Variants in MTFR1 observed in about 807,000 individuals in gnomAD.
MTFR1 encodes chondrocyte protein with a poly-proline region.
A neutral mutation model predicts 38.8 loss-of-function variants in MTFR1; 28 were observed. The ratio of observed to expected loss-of-function variants is 0.72; its 90% CI spans 0.53 to 0.99. MTFR1 has a LOEUF of 0.99. Ranked by LOEUF, MTFR1 falls within the 50% of genes least tolerant of loss-of-function variation. MTFR1 has a pLI of 0.00. For synonymous variants in MTFR1, 145 were observed against 137.0 expected, an observed-to-expected ratio of 1.06 and a Z score of -0.41; for missense variants, 358 against 395.5, an observed-to-expected ratio of 0.91 and a Z score of 0.81.
At chr8:65,755,780 T>C (rs1585878017) in intron 3 of MTFR1, among the ~76,000 whole-genome samples, 1 of 152,338 alleles carries the variant, frequency 6.6e-6, no homozygotes, top group Admixed American at 6.5e-5. Flanking sequence ...AAGAACTCCC[T>C]TTAGCATTTC....
At chr8:65,660,845 T>C (rs1282356587) in intron 1 of MTFR1, among the ~76,000 whole-genome samples, 1 of 152,122 alleles carries the variant, frequency 6.6e-6, no homozygotes, top group East Asian at 1.9e-4. Context: ...GGGGAAGGAA[T>C]AAATAAACTG....
chr8:65,686,981 G>A (rs1323896226), intron 3 of MTFR1, among the ~76,000 whole-genome samples: 1 of 151,616 alleles, frequency 6.6e-6, no homozygotes, highest in African/African-American at 2.4e-5. Flanking sequence ...ATCTCAGGCA[G>A]TTGATCTCTT....
At chr8:65,769,762 A>G (rs1210772972) in intron 3 of MTFR1, among the ~76,000 whole-genome samples, 1 of 152,094 alleles carries the variant, frequency 6.6e-6, no homozygotes, top group Non-Finnish European at 1.5e-5. Context: ...CGGGCATGGT[A>G]GTGATTGCCC....
Position 65,683,508 on chromosome 8 carries a change from T to A in MTFR1, c.165+1057T>A, listed in dbSNP as rs533480986. On this transcript the variant is annotated intron_variant, in intron 3 of 7. Transcript: ENST00000262146. ...TTTTTTTAGCAATTCTTTACAACCA[T>A]AATGTAAGAACATTTCAGTTCAACA... Among the ~76,000 whole-genome samples, 5 of 152,350 alleles carry A rather than the reference T, an allele frequency of 3.3e-5. No homozygotes were observed. In the South Asian group the frequency reaches 1.0e-3, roughly 32 times the overall value.
intron 2 of MTFR1, among the ~76,000 whole-genome samples, chr8:65,681,120 G>A (rs527727959): frequency 1.1e-4 from 17 of 151,704 alleles, no homozygotes; most frequent in Non-Finnish European, 2.2e-4. Context: ...CACCTTGTTA[G>A]CCAGGATGGT....
At chr8:65,740,945 A>G (rs1807400278) in intron 3 of MTFR1, among the ~76,000 whole-genome samples, 1 of 152,174 alleles carries the variant, frequency 6.6e-6, no homozygotes, top group Non-Finnish European at 1.5e-5. Context: ...GAGTTTTTGG[A>G]AAGAGCTGCT....
At chr8:65,736,078 C>T (rs1024477547) in intron 3 of MTFR1, among the ~76,000 whole-genome samples, 2 of 152,142 alleles carry the variant, frequency 1.3e-5, no homozygotes, top group East Asian at 1.9e-4. Flanking sequence ...TACGATAATG[C>T]GCAATTTATA....
At chr8:65,662,367 C>A (rs962363338) in intron 1 of MTFR1, among the ~76,000 whole-genome samples, 2 of 152,000 alleles carry the variant, frequency 1.3e-5, no homozygotes, top group Admixed American at 1.3e-4. Flanking sequence ...CCCGAGGTGC[C>A]GGGATGGCAG....
intron 4 of MTFR1, 131 bp downstream of exon 4, chr8:65,693,890 T>G: frequency 2.9e-6 from 2 of 689,094 alleles, no homozygotes; most frequent in East Asian, 2.8e-5. Flanking sequence ...TCTTGAACAG[T>G]CTTCTTTTCT....
chr8:65,649,907 C>T (rs1489015457), intron 1 of MTFR1, among the ~76,000 whole-genome samples: 1 of 151,398 alleles, frequency 6.6e-6, no homozygotes, highest in Non-Finnish European at 1.5e-5. Flanking sequence ...GGCGTGATCT[C>T]GGCTCACTGC....
At chr8:65,669,067 T>G (rs1234274332) in intron 1 of MTFR1, among the ~76,000 whole-genome samples, 1 of 152,232 alleles carries the variant, frequency 6.6e-6, no homozygotes, top group Non-Finnish European at 1.5e-5. Context: ...TTCTGTTCTG[T>G]ATTTCTGGAA....
chr8:65,756,915 G>C (rs1396520652), intron 3 of MTFR1, among the ~76,000 whole-genome samples: 1 of 151,928 alleles, frequency 6.6e-6, no homozygotes, highest in Non-Finnish European at 1.5e-5. Flanking sequence ...AAATTTTGCT[G>C]GCTTATGATA....
At chr8:65,722,295 C>T (rs1169304351) in intron 3 of MTFR1, 4 of 152,298 alleles carry the variant, frequency 2.6e-5, no homozygotes, top group East Asian at 1.9e-4. Context: ...TCTACACGCT[C>T]TTCCCTTCTC....
chr8:65,680,264 A>G (rs1804838297), intron 2 of MTFR1, among the ~76,000 whole-genome samples: 1 of 152,044 alleles, frequency 6.6e-6, no homozygotes, highest in African/African-American at 2.4e-5. Context: ...CCTGGGCTCA[A>G]GGGACCTTCC....
intron 2 of MTFR1, chr8:65,718,888 T>G (rs1161357513): frequency 5.6e-6 from 1 of 177,600 alleles, no homozygotes; most frequent in Non-Finnish European, 1.2e-5. Flanking sequence ...AGAGAGAACT[T>G]AGTGGAAGGT....
At chr8:65,739,082 G>A (rs1328567201) in intron 3 of MTFR1, among the ~76,000 whole-genome samples, 2 of 152,170 alleles carry the variant, frequency 1.3e-5, no homozygotes, top group Non-Finnish European at 1.5e-5. Context: ...CAGCTCTCTC[G>A]GAAACCTGCC....
At chr8:65,738,982 T>TC (rs1448648730) in intron 3 of MTFR1, among the ~76,000 whole-genome samples, 5 of 152,186 alleles carry the variant, frequency 3.3e-5, no homozygotes, top group Non-Finnish European at 7.3e-5. Context: ...GTGTAGTGCA[T>TC]CCCTGGTCTG....
At chr8:65,772,695 G>A (rs1441313722), downstream of MTFR1, among the ~76,000 whole-genome samples, 1 of 152,186 alleles carries the variant, frequency 6.6e-6, no homozygotes, top group East Asian at 1.9e-4. Flanking sequence ...ACTTTACTGT[G>A]CATAAACTCA....
At chr8:65,746,427 T>A (rs763816175) in intron 3 of MTFR1, among the ~76,000 whole-genome samples, 3 of 152,184 alleles carry the variant, frequency 2.0e-5, no homozygotes, top group Admixed American at 6.5e-5. Context: ...TTCTAACTTA[T>A]GGATATGTAT....
Sources: gnomAD v4.1 joint callset for allele counts (sites outside exome capture counted in the v4.1 genomes callset) on GRCh38, gnomAD v4.1.1 for gene constraint, MANE v1.5 for transcripts, NCBI Gene and HGNC (gene_info 2026-07-23, HGNC 2026-07-21) for gene names.